The following TMCO1 variants were observed in gnomAD, a reference collection of about 807,000 sequenced individuals.
TMCO1 encodes the protein calcium load-activated calcium channel.
A neutral mutation model predicts 29.3 loss-of-function variants in TMCO1; 29 were observed. The observed-to-expected ratio is 0.99, with a 90% CI of 0.74 to 1.35. The LOEUF is 1.35. Ranked by LOEUF, TMCO1 falls within the 40% of genes most tolerant of loss-of-function variation. TMCO1 has a pLI of 0.00. For missense variants in TMCO1, 173 were observed against 225.5 expected, an observed-to-expected ratio of 0.77 and a Z score of 1.49; for synonymous variants, 80 against 77.1, an observed-to-expected ratio of 1.04 and a Z score of -0.20.
At chr1:165,741,116 C>CT (rs1032397056) in intron 6 of TMCO1, among the ~76,000 whole-genome samples, 2 of 152,204 alleles carry the variant, frequency 1.3e-5, no homozygotes, top group Admixed American at 1.3e-4. Flanking sequence ...CCAACATACT[C>CT]TTCTTTCTTC....
At position 165,743,147 on chromosome 1, in the gene TMCO1, T is replaced by C; in HGVS notation, c.468+20A>G. 1 of 1,613,598 alleles carries C rather than the reference T, an allele frequency of 6.2e-7. No homozygotes were observed. The highest frequency in any genetic ancestry group is 2.2e-5 in the East Asian group (1 of 44,850). On this transcript the variant is annotated intron_variant, in intron 6 of 6. Coordinates refer to ENST00000367881, the MANE Select transcript of TMCO1 (RefSeq NM_019026.6). ...AGCAAGGAAAAATATACATATTAAATGGTAGATGTGATCACTCACCTGTCG... is the reference window on the plus strand; with the variant it reads ...AGCAAGGAAAAATATACATATTAAACGGTAGATGTGATCACTCACCTGTCG...
chr1:165,726,196 T>C (rs1166502760), downstream of TMCO1: 1 of 699,100 alleles, frequency 1.4e-6, no homozygotes, highest in African/African-American at 1.7e-5. Flanking sequence ...CTTAGAGTGG[T>C]CAATGATATG....
downstream of TMCO1, chr1:165,725,046 A>G (rs1329358820): frequency 2.9e-5 from 7 of 238,822 alleles, no homozygotes; most frequent in Non-Finnish European, 5.5e-5. Context: ...ATATATATAT[A>G]TAAAATAGTG....
intron 6 of TMCO1, 117 bp downstream of exon 6, chr1:165,743,050 G>T: frequency 8.0e-7 from 1 of 1,254,110 alleles, no homozygotes; most frequent in Non-Finnish European, 1.1e-6. Flanking sequence ...TCTAAAATGA[G>T]CAACTGAAAG....
chr1:165,730,092 C>A (rs201327655), intron 6 of TMCO1, among the ~76,000 whole-genome samples: 11 of 148,238 alleles, frequency 7.4e-5, no homozygotes, highest in Admixed American at 1.4e-4. Context: ...GAGGCCGAGG[C>A]GGGCGGATCA....
At chr1:165,768,904 T>C (rs747266207), upstream of TMCO1, 2 of 1,544,924 alleles carry the variant, frequency 1.3e-6, no homozygotes, top group Non-Finnish European at 1.7e-6. Flanking sequence ...TTCCGGGGCA[T>C]AGCACCGGAA....
At chr1:165,734,967 C>T (rs781264706) in intron 6 of TMCO1, among the ~76,000 whole-genome samples, 20 of 152,162 alleles carry the variant, frequency 1.3e-4, no homozygotes, top group Non-Finnish European at 2.8e-4. Context: ...CTTCTTAACA[C>T]ATATCTTATA....
chr1:165,750,611 A>G (rs1479322445), intron 5 of TMCO1, among the ~76,000 whole-genome samples: 2 of 152,092 alleles, frequency 1.3e-5, no homozygotes, highest in Admixed American at 1.3e-4. Flanking sequence ...TTCAAAAAAG[A>G]GTAAGTTACA....
chr1:165,763,338 T>A (rs1652461134), intron 2 of TMCO1, among the ~76,000 whole-genome samples: 1 of 152,196 alleles, frequency 6.6e-6, no homozygotes, highest in Non-Finnish European at 1.5e-5. Context: ...GATTATACAT[T>A]CCAGAAGACA....
intron 2 of TMCO1, among the ~76,000 whole-genome samples, chr1:165,761,180 T>C (rs1168799770): frequency 6.6e-6 from 1 of 151,954 alleles, no homozygotes; most frequent in Non-Finnish European, 1.5e-5. Flanking sequence ...TTTGTGTGTG[T>C]GTGTGTGTGT....
chr1:165,752,188 A>G lies in TMCO1; in HGVS notation c.256-19T>C, dbSNP rs755590059. 1.9e-6 allele frequency: 3 copies of G among 1,605,008 alleles called. No homozygotes were observed. Among genetic ancestry groups the G allele is most frequent in the Non-Finnish European group, 2.6e-6 (3 of 1,172,922 alleles). ...TTCGAACCTGTAATGAGACGAACAAATTGTCATTTTACACTAAAAAAAAAC... is the reference window on the plus strand; with the variant it reads ...TTCGAACCTGTAATGAGACGAACAAGTTGTCATTTTACACTAAAAAAAAAC... On this transcript the variant is annotated intron_variant, in intron 4 of 6. Coordinates refer to ENST00000367881, the MANE Select transcript of TMCO1 (RefSeq NM_019026.6).
chr1:165,752,034 T>C (rs1463553513), intron 5 of TMCO1, 68 bp downstream of exon 5: 2 of 1,292,798 alleles, frequency 1.5e-6, no homozygotes, highest in Non-Finnish European at 2.2e-6. Flanking sequence ...ACCCAAAAAG[T>C]TCATGCTAAC....
chr1:165,759,662 C>T (rs1208129207), intron 2 of TMCO1, 78 bp from the exon 3 acceptor site: 1 of 1,260,096 alleles, frequency 7.9e-7, no homozygotes. Flanking sequence ...CACAGCTGAA[C>T]CAATGAAAGA....
chr1:165,765,825 G>A (rs556807143), intron 2 of TMCO1, among the ~76,000 whole-genome samples: 4 of 152,296 alleles, frequency 2.6e-5, no homozygotes, highest in African/African-American at 9.6e-5. Context: ...TAAAAAGGAA[G>A]CATCTGTAGG....
chr1:165,743,188 G>C lies in TMCO1; in HGVS notation c.447C>G (p.Leu149=). ...TCACCTGTCGAATCGACATAGTACA[G>C]AGAATATACAGGAAAATGAAGGAAC... is the stretch of plus-strand genomic sequence containing the variant. ...TDCSFIFLYI[L]CTMSIRQNIQ... is the part of the protein sequence containing the mutation. Residue 149 remains leucine (L), a synonymous_variant, in exon 6 of 7, where the codon CTC becomes CTG. Coordinates refer to ENST00000367881, the MANE Select transcript of TMCO1 (RefSeq NM_019026.6). 1 of 1,613,912 alleles carries C rather than the reference G, an allele frequency of 6.2e-7. No homozygotes were observed. The highest frequency in any genetic ancestry group is 8.5e-7 in the Non-Finnish European group (1 of 1,179,902).
intron 2 of TMCO1, among the ~76,000 whole-genome samples, chr1:165,763,236 A>C (rs371831602): frequency 1.1e-4 from 16 of 152,198 alleles, no homozygotes; most frequent in African/African-American, 3.9e-4. Flanking sequence ...GGAATTCTGT[A>C]TTTGCAATTA....
chr1:165,745,542 G>A (rs1333447464), intron 5 of TMCO1, among the ~76,000 whole-genome samples: 3 of 151,420 alleles, frequency 2.0e-5, no homozygotes, highest in Non-Finnish European at 2.9e-5. Context: ...AGCTACTCAG[G>A]AGGCTAAGGT....
At chr1:165,760,672 G>A (rs1220414319) in intron 2 of TMCO1, among the ~76,000 whole-genome samples, 3 of 151,896 alleles carry the variant, frequency 2.0e-5, no homozygotes, top group African/African-American at 4.8e-5. Context: ...CATGTGGCGC[G>A]TGCCTGTAGT....
At chr1:165,749,755 G>A (rs926830588) in intron 5 of TMCO1, among the ~76,000 whole-genome samples, 5 of 152,030 alleles carry the variant, frequency 3.3e-5, no homozygotes, top group Non-Finnish European at 7.4e-5. Flanking sequence ...ATGGAAAAGA[G>A]TAACAGCTTT....
Sources: gnomAD v4.1 joint callset for allele counts (sites outside exome capture counted in the v4.1 genomes callset) on GRCh38, gnomAD v4.1.1 for gene constraint, MANE v1.5 for transcripts, NCBI Gene and HGNC (gene_info 2026-07-23, HGNC 2026-07-21) for gene names.